Variants in KAZN observed in about 807,000 individuals in gnomAD.
KAZN encodes the protein kazrin, periplakin interacting protein.
A neutral mutation model predicts 87.4 loss-of-function variants in KAZN; 40 were observed. That is an observed-to-expected ratio of 0.46 (90% CI 0.36 to 0.60). The LOEUF is 0.60. Among genes scored for constraint, KAZN ranks in the 20% least tolerant of loss-of-function variants. KAZN has a pLI of 0.00. For missense variants in KAZN, 898 were observed against 1,073.9 expected (o/e 0.84, Z 2.29); for synonymous variants, 466 against 458.3 (o/e 1.02, Z -0.22).
At chr1:13,999,973 T>C (rs1037347303) in intron 1 of KAZN, among the ~76,000 whole-genome samples, 1 of 152,188 alleles carries the variant, frequency 6.6e-6, no homozygotes, top group Non-Finnish European at 1.5e-5. Context: ...CCTGGACACA[T>C]ACACCTTCCC....
intron 8 of KAZN, chr1:15,067,138 A>G: frequency 1.0e-6 from 1 of 985,740 alleles, no homozygotes; most frequent in Non-Finnish European, 1.2e-6. Flanking sequence ...TTTAGGATGC[A>G]GGTGGGCCAG....
chr1:14,353,056 T>C (rs1215355221), intron 2 of KAZN, among the ~76,000 whole-genome samples: 1 of 152,152 alleles, frequency 6.6e-6, no homozygotes, highest in Non-Finnish European at 1.5e-5. Flanking sequence ...TAATCGTGAC[T>C]CCTTATGTTG....
intron 1 of KAZN, among the ~76,000 whole-genome samples, chr1:13,897,690 T>A (rs1639095772): frequency 6.6e-6 from 1 of 152,138 alleles, no homozygotes; most frequent in Admixed American, 6.5e-5. Context: ...AGTTGAGATT[T>A]AAACTTCAGG....
rs371098335 is a variant in KAZN at position 14,389,844 on chromosome 1, ATAAC to A, written c.250-209135_250-209132del. Among the ~76,000 whole-genome samples, 263 of 152,324 alleles carry A rather than the reference ATAAC, an allele frequency of 1.7e-3. No individual in the cohort carries two copies. In the South Asian group the frequency reaches 0.019, roughly 11 times the overall value. On this transcript the variant is annotated intron_variant, in intron 2 of 16. Coordinates refer to the KAZN transcript ENST00000636203. ...AAATAATTTAATTGCACATTTAAAAATAACTAAAAGAGTAAAATTGAATTGTTTG... is the reference window on the plus strand; with the variant it reads ...AAATAATTTAATTGCACATTTAAAAATAAAAGAGTAAAATTGAATTGTTTG...
intron 1 of KAZN, among the ~76,000 whole-genome samples, chr1:14,808,919 G>T (rs533009554): frequency 2.6e-5 from 4 of 152,138 alleles, no homozygotes; most frequent in Non-Finnish European, 4.4e-5. Context: ...GTCACAAAAC[G>T]GCTGCCACAG....
intron 1 of KAZN, among the ~76,000 whole-genome samples, chr1:14,133,000 C>T (rs1431398597): frequency 2.0e-5 from 3 of 152,034 alleles, no homozygotes; most frequent in Non-Finnish European, 4.4e-5. Context: ...CAAGGTTAAC[C>T]CTCGGGTTAA....
intron 2 of KAZN, among the ~76,000 whole-genome samples, chr1:15,019,766 A>G (rs1469178710): frequency 3.9e-5 from 6 of 152,222 alleles, no homozygotes; most frequent in African/African-American, 1.4e-4. Flanking sequence ...GAGTGAAAAC[A>G]TGCAAGGTGT....
intron 1 of KAZN, among the ~76,000 whole-genome samples, chr1:14,027,034 G>T (rs570095866): frequency 6.6e-6 from 1 of 152,122 alleles, no homozygotes; most frequent in African/African-American, 2.4e-5. Context: ...CTAGGATGGG[G>T]CATCTGGGGA....
intron 1 of KAZN, among the ~76,000 whole-genome samples, chr1:14,666,719 G>A (rs779775547): frequency 4.6e-5 from 7 of 152,082 alleles, no homozygotes; most frequent in Non-Finnish European, 8.8e-5. Flanking sequence ...GGCCTTCTCC[G>A]TGCCTCTGAG....
intron 11 of KAZN, among the ~76,000 whole-genome samples, chr1:15,102,162 G>T (rs1447138546): frequency 2.0e-5 from 3 of 151,984 alleles, no homozygotes; most frequent in African/African-American, 7.3e-5. Context: ...GAAGCCCAGG[G>T]TTTTATGAAT....
chr1:14,520,926 G>C (rs1042405616), intron 2 of KAZN, among the ~76,000 whole-genome samples: 4 of 152,222 alleles, frequency 2.6e-5, no homozygotes, highest in Non-Finnish European at 5.9e-5. Context: ...GGGCAGGGCA[G>C]GTTCCCCTAA....
At chr1:14,167,039 T>C (rs1181880394) in intron 1 of KAZN, among the ~76,000 whole-genome samples, 1 of 152,176 alleles carries the variant, frequency 6.6e-6, no homozygotes. Flanking sequence ...GGATCAAGGA[T>C]CAAATCTCAA....
intron 2 of KAZN, among the ~76,000 whole-genome samples, chr1:14,416,531 G>A (rs918269861): frequency 3.3e-5 from 5 of 152,072 alleles, no homozygotes; most frequent in South Asian, 2.1e-4. Context: ...GAGGTCAGGC[G>A]TTCAAGACAA....
chr1:14,675,432 G>A (rs1450481714), intron 1 of KAZN, among the ~76,000 whole-genome samples: 4 of 152,158 alleles, frequency 2.6e-5, no homozygotes, highest in African/African-American at 9.7e-5. Context: ...TATTTTCACT[G>A]CTATTTTTTG....
intron 1 of KAZN, among the ~76,000 whole-genome samples, chr1:14,678,865 A>T (rs944974397): frequency 6.6e-6 from 1 of 152,196 alleles, no homozygotes; most frequent in African/African-American, 2.4e-5. Flanking sequence ...GGATATATAG[A>T]TGGGGATATA....
chr1:14,845,024 G>C (rs882677), intron 1 of KAZN, among the ~76,000 whole-genome samples: 17,176 of 151,914 alleles, frequency 0.11, 2,426 homozygotes, highest in African/African-American at 0.33. Flanking sequence ...AGATGGATGG[G>C]TGAGTAGTTG....
At chr1:14,908,120 C>T (rs917515755) in intron 1 of KAZN, among the ~76,000 whole-genome samples, 5 of 152,172 alleles carry the variant, frequency 3.3e-5, no homozygotes. Flanking sequence ...GTAGGGTCAG[C>T]GGCACGGTGG....
chr1:13,963,331 C>T (rs2101029978), intron 1 of KAZN, among the ~76,000 whole-genome samples: 1 of 152,220 alleles, frequency 6.6e-6, no homozygotes, highest in East Asian at 1.9e-4. Context: ...TTCTATTTTT[C>T]CTTTATTTTC....
chr1:14,668,483 C>T (rs953552323), intron 1 of KAZN, among the ~76,000 whole-genome samples: 3 of 152,086 alleles, frequency 2.0e-5, no homozygotes, highest in Admixed American at 6.5e-5. Context: ...AGTTCTTTCT[C>T]GGGAGTAGCC....
Sources: gnomAD v4.1 joint callset for allele counts (sites outside exome capture counted in the v4.1 genomes callset) on GRCh38, gnomAD v4.1.1 for gene constraint, MANE v1.5 for transcripts, NCBI Gene and HGNC (gene_info 2026-07-23, HGNC 2026-07-21) for gene names.